Variants in KLHL32 observed in about 807,000 individuals in gnomAD.
The protein encoded by KLHL32 is kelch like family member 32.
In KLHL32, 35 loss-of-function variants were observed where a neutral mutation model predicts 64.8. The observed-to-expected ratio is 0.54, with a 90% confidence interval of 0.41 to 0.72. The LOEUF (loss-of-function observed/expected upper bound fraction) is 0.72. KLHL32 is among the 30% of genes least tolerant of loss of function. The pLI, the probability that KLHL32 is intolerant of heterozygous loss-of-function variation, is 0.00. For missense variants in KLHL32, 589 were observed against 768.5 expected (o/e 0.77, Z 2.76); for synonymous variants, 259 against 281.0 (o/e 0.92, Z 0.78).
chr6:97,027,472 G>A (rs1582763805), intron 3 of KLHL32, among the ~76,000 whole-genome samples: 1 of 152,316 alleles, frequency 6.6e-6, no homozygotes, highest in Admixed American at 6.5e-5. Flanking sequence ...TATTCTGAAT[G>A]ATTTGTGTCA....
the KLHL32 span, among the ~76,000 whole-genome samples, chr6:96,907,020 T>G: frequency 1.3e-5 from 2 of 152,214 alleles, no homozygotes; most frequent in Admixed American, 6.5e-5. Context: ...ATCAAAAAGA[T>G]AATTCATGTA....
Position 97,040,610 on chromosome 6 carries a change from C to T in KLHL32, c.205-882C>T, listed in dbSNP as rs530637136. Among the ~76,000 whole-genome samples, 12 of 152,192 alleles carry T rather than the reference C, an allele frequency of 7.9e-5. No homozygotes were observed. The East Asian group carries it at 1.9e-3, about 25-fold the overall frequency. ...ACACGTTCCCAGGTGATCCTGATGTCGCTGGTCCAAGGGCTACACTTTGAG... is the reference window on the plus strand; with the variant it reads ...ACACGTTCCCAGGTGATCCTGATGTTGCTGGTCCAAGGGCTACACTTTGAG... On this transcript the variant is annotated intron_variant, in intron 3 of 10. Coordinates refer to ENST00000369261, the MANE Select transcript of KLHL32 (RefSeq NM_052904.4).
At chr6:97,055,357 G>T (rs1787624378) in intron 4 of KLHL32, among the ~76,000 whole-genome samples, 1 of 152,076 alleles carries the variant, frequency 6.6e-6, no homozygotes, top group African/African-American at 2.4e-5. Context: ...AGTGGGAGGG[G>T]TATCCCTGAA....
intron 3 of KLHL32, among the ~76,000 whole-genome samples, chr6:97,021,095 C>T (rs1029626251): frequency 1.3e-5 from 2 of 150,878 alleles, no homozygotes; most frequent in African/African-American, 2.5e-5. Flanking sequence ...TTGGCTCATA[C>T]GATTATGGAG....
chr6:97,098,135 T>C (rs1795235036), intron 6 of KLHL32, among the ~76,000 whole-genome samples: 1 of 152,192 alleles, frequency 6.6e-6, no homozygotes, highest in Admixed American at 6.5e-5. Flanking sequence ...AAGTATAGGC[T>C]AAAAACGATA....
At chr6:96,995,570 G>T (rs1447631060) in intron 3 of KLHL32, among the ~76,000 whole-genome samples, 2 of 152,024 alleles carry the variant, frequency 1.3e-5, no homozygotes, top group Non-Finnish European at 2.9e-5. Flanking sequence ...CCTCCCCTTT[G>T]TTCCCTTGTC....
chr6:97,048,387 C>T (rs1444046653), intron 4 of KLHL32, among the ~76,000 whole-genome samples: 1 of 152,214 alleles, frequency 6.6e-6, no homozygotes, highest in African/African-American at 2.4e-5. Context: ...ACCCTAAATA[C>T]ATTTCTCTGA....
intron 3 of KLHL32, among the ~76,000 whole-genome samples, chr6:97,009,197 A>G (rs1427648984): frequency 6.6e-6 from 1 of 151,130 alleles, no homozygotes; most frequent in Admixed American, 6.6e-5. Context: ...AGTATTGGTG[A>G]TGGTATCTAG....
chr6:96,981,970 T>G (rs891317632), intron 3 of KLHL32, among the ~76,000 whole-genome samples: 7 of 152,258 alleles, frequency 4.6e-5, no homozygotes, highest in African/African-American at 1.4e-4. Context: ...TTATGGCTAA[T>G]TGAGTCATCA....
At position 97,113,971 on chromosome 6, in the gene KLHL32, T is replaced by C. The variant is rs760642211; in HGVS notation, c.816T>C (p.Tyr272=). ...NEALEYHQSI[Y]AQPVWQTRRT... Reference sequence around the variant, plus strand: ...CCCTGGAATACCACCAGAGCATCTATGCACAGCCTGTCTGGCAGACTCGCA... The same window carrying C: ...CCCTGGAATACCACCAGAGCATCTACGCACAGCCTGTCTGGCAGACTCGCA... The change falls in exon 7 of 11, where the codon TAT becomes TAC. Residue 272 remains tyrosine (Y), a synonymous_variant. Coordinates refer to ENST00000369261, the MANE Select transcript of KLHL32 (RefSeq NM_052904.4). The C allele has an allele frequency of 5.6e-6, 9 of 1,614,214 alleles. No homozygotes were observed. The highest frequency in any genetic ancestry group is 6.8e-6 in the Non-Finnish European group (8 of 1,180,030).
At chr6:97,075,922 T>C (rs1250132409) in intron 5 of KLHL32, among the ~76,000 whole-genome samples, 1 of 152,228 alleles carries the variant, frequency 6.6e-6, no homozygotes, top group African/African-American at 2.4e-5. Context: ...AAATATTTTT[T>C]GATCTCCATA....
chr6:97,000,790 TACTC>T (rs983482725), intron 3 of KLHL32, among the ~76,000 whole-genome samples: 5 of 152,190 alleles, frequency 3.3e-5, no homozygotes, highest in African/African-American at 1.2e-4. Context: ...ACGAAGATGT[TACTC>T]AGTAGGTGAA....
the KLHL32 span, among the ~76,000 whole-genome samples, chr6:96,917,988 C>G: frequency 6.6e-6 from 1 of 152,132 alleles, no homozygotes; most frequent in African/African-American, 2.4e-5. Context: ...GATTGACCCT[C>G]TAGATACCAA....
At chr6:96,989,496 T>G (rs1281165967) in intron 3 of KLHL32, among the ~76,000 whole-genome samples, 1 of 152,204 alleles carries the variant, frequency 6.6e-6, no homozygotes, top group Non-Finnish European at 1.5e-5. Flanking sequence ...TGTTTGTATA[T>G]GTGATTTGCC....
At chr6:96,987,267 G>C (rs1207217734) in intron 3 of KLHL32, among the ~76,000 whole-genome samples, 2 of 152,040 alleles carry the variant, frequency 1.3e-5, no homozygotes. Flanking sequence ...GAATGTGTTT[G>C]CTCTTGCTTC....
chr6:96,951,963 G>A, intron 1 of KLHL32, among the ~76,000 whole-genome samples: 1 of 152,178 alleles, frequency 6.6e-6, no homozygotes, highest in Middle Eastern at 3.2e-3. Flanking sequence ...ACCACTGTCT[G>A]TGTGAAGTTT....
chr6:96,934,694 A>T (rs1770363365), intron 1 of KLHL32, among the ~76,000 whole-genome samples: 1 of 152,256 alleles, frequency 6.6e-6, no homozygotes, highest in Admixed American at 6.5e-5. Flanking sequence ...AGTTGTCCAT[A>T]TGGTAGCTCG....
rs1357031279 is a variant in KLHL32 at position 96,924,986 on chromosome 6, C to A, written c.-106C>A. 6.6e-6 allele frequency: 1 copy of A among 152,282 alleles called. No individual in the cohort carries two copies. 9.4% of individuals were successfully genotyped at this position (152,282 alleles called of 1,614,324 possible). A position where few individuals can be genotyped will look rare whatever the true frequency, so the allele number is the denominator to read the frequency against. On this transcript the variant is annotated 5_prime_UTR_variant, in exon 1 of 11. Transcript: ENST00000369261. Reference sequence around the variant, plus strand: ...AAGGAGAGGCCGGTGCCTGCGCTGCCGTCTCTGGCACCTAACCCAGCAGAC... The same window carrying A: ...AAGGAGAGGCCGGTGCCTGCGCTGCAGTCTCTGGCACCTAACCCAGCAGAC...
At chr6:96,961,393 A>G (rs577304297) in intron 1 of KLHL32, among the ~76,000 whole-genome samples, 1 of 152,238 alleles carries the variant, frequency 6.6e-6, no homozygotes, top group Admixed American at 6.5e-5. Context: ...TTGGTATCTT[A>G]TGTTTATTGA....
Sources: gnomAD v4.1 joint callset for allele counts (sites outside exome capture counted in the v4.1 genomes callset) on GRCh38, gnomAD v4.1.1 for gene constraint, MANE v1.5 for transcripts, NCBI Gene and HGNC (gene_info 2026-07-23, HGNC 2026-07-21) for gene names.